Variants in NRG3 observed in about 807,000 individuals in gnomAD.
NRG3 encodes neuregulin 3, also known as pro-neuregulin-3, membrane-bound isoform.
In NRG3, 31 loss-of-function variants were observed where a neutral mutation model predicts 66.9. The ratio of observed to expected loss-of-function variants is 0.46; its 90% CI spans 0.35 to 0.63. The LOEUF is 0.63. Ranked by LOEUF, NRG3 falls within the 20% of genes least tolerant of loss-of-function variation. NRG3 has a pLI of 0.00. For missense variants in NRG3, 910 were observed against 878.9 expected, an observed-to-expected ratio of 1.04 and a Z score of -0.45; for synonymous variants, 393 against 359.4, an observed-to-expected ratio of 1.09 and a Z score of -1.06.
At chr10:82,879,572 A>G (rs1291249879) in intron 4 of NRG3, among the ~76,000 whole-genome samples, 2 of 146,964 alleles carry the variant, frequency 1.4e-5, no homozygotes, top group South Asian at 2.1e-4. Context: ...TCCCGGCTTC[A>G]CGCCATTCTC....
In NRG3 at chr10:82,829,209, A is replaced by T. The variant is rs146859602; in HGVS notation, c.1028-36202A>T. 2.8e-3 allele frequency among the ~76,000 whole-genome samples: 419 copies of T among 152,302 alleles called. 4 individuals are homozygous for T. Among genetic ancestry groups the T allele is most frequent in the Middle Eastern group, 0.01 (3 of 294 alleles). ...TCACCCAACTCTAGTGATTAAAAAA[A>T]AGAAAGATCTGATTGGAGCACAGTG... On this transcript the variant is annotated intron_variant, in intron 3 of 8. Transcript: ENST00000372141.
At chr10:82,419,341 G>T (rs151168752) in intron 2 of NRG3, among the ~76,000 whole-genome samples, 1 of 152,038 alleles carries the variant, frequency 6.6e-6, no homozygotes. Flanking sequence ...ATAACTATCT[G>T]CACTTTCAAA....
chr10:82,688,833 CA>C (rs944252972), intron 2 of NRG3, among the ~76,000 whole-genome samples: 3 of 151,216 alleles, frequency 2.0e-5, no homozygotes, highest in African/African-American at 7.3e-5. Context: ...TTTCCATACA[CA>C]TTTTATTGTT....
intron 5 of NRG3, 41 bp from the exon 6 acceptor site, chr10:82,958,908 A>C: frequency 6.7e-7 from 1 of 1,502,226 alleles, no homozygotes; most frequent in Non-Finnish European, 8.9e-7. Context: ...GAGTTGAATA[A>C]AGTCATGCAA....
chr10:82,209,670 C>T (rs1412073021), intron 1 of NRG3, among the ~76,000 whole-genome samples: 1 of 152,128 alleles, frequency 6.6e-6, no homozygotes, highest in Non-Finnish European at 1.5e-5. Context: ...TAAATATTAT[C>T]TCAGAAGTGG....
intron 2 of NRG3, among the ~76,000 whole-genome samples, chr10:82,548,523 TCACACACACACACACACA>T (rs59459683): frequency 7.2e-6 from 1 of 139,460 alleles, no homozygotes; most frequent in Non-Finnish European, 1.6e-5. Flanking sequence ...ATTCTGTCTC[TCACACACACACACACACA>T]CACACACACA....
chr10:82,492,021 C>T (rs1293630133), intron 2 of NRG3, among the ~76,000 whole-genome samples: 1 of 152,206 alleles, frequency 6.6e-6, no homozygotes, highest in Admixed American at 6.5e-5. Flanking sequence ...TCTAGCCTCT[C>T]TAGAATTCCT....
At chr10:81,920,964 T>C (rs1846197223) in intron 1 of NRG3, among the ~76,000 whole-genome samples, 1 of 152,186 alleles carries the variant, frequency 6.6e-6, no homozygotes, top group South Asian at 2.1e-4. Flanking sequence ...TGTTTACTTA[T>C]ATTCATAATA....
At chr10:81,881,116 C>T (rs1223929624) in intron 1 of NRG3, among the ~76,000 whole-genome samples, 2 of 151,890 alleles carry the variant, frequency 1.3e-5, no homozygotes, top group Admixed American at 1.3e-4. Context: ...GTACTCCCAC[C>T]TGCCAGTATT....
Position 82,942,223 on chromosome 10 carries a change from A to C in NRG3, c.1055-9246A>C, listed in dbSNP as rs1381413563. 3.3e-5 allele frequency among the ~76,000 whole-genome samples: 5 copies of C among 152,216 alleles called. No homozygotes were observed. In the East Asian group the frequency reaches 9.6e-4, roughly 29 times the overall value. On this transcript the variant is annotated intron_variant, in intron 4 of 8. Coordinates refer to ENST00000372141, the MANE Select transcript of NRG3 (RefSeq NM_001010848.4). ...TGTTCCCTCACACATGTAGGAGATC[A>C]TGCTGTATCATGGTCTCCCACACCT...
intron 1 of NRG3, among the ~76,000 whole-genome samples, chr10:82,045,668 C>T (rs1361820698): frequency 1.3e-5 from 1 of 75,710 alleles, no homozygotes; most frequent in Non-Finnish European, 3.0e-5. Context: ...ATGGTAATGC[C>T]TAGGTTTTCT....
chr10:82,704,249 A>G (rs1386764219), intron 2 of NRG3, among the ~76,000 whole-genome samples: 3 of 152,112 alleles, frequency 2.0e-5, no homozygotes, highest in Non-Finnish European at 4.4e-5. Context: ...ACACACACTC[A>G]CACACAAACA....
At chr10:82,975,449 C>T (rs1257157857) in intron 7 of NRG3, among the ~76,000 whole-genome samples, 1 of 152,146 alleles carries the variant, frequency 6.6e-6, no homozygotes, top group Non-Finnish European at 1.5e-5. Flanking sequence ...ATGCTCCCTC[C>T]TAAACTTGGC....
At chr10:81,910,956 C>T (rs375249287) in intron 1 of NRG3, among the ~76,000 whole-genome samples, 5 of 152,310 alleles carry the variant, frequency 3.3e-5, no homozygotes, top group African/African-American at 1.2e-4. Context: ...TGTGCCAGGC[C>T]TCTTTCTTAC....
intron 4 of NRG3, among the ~76,000 whole-genome samples, chr10:82,875,783 C>G (rs1472821352): frequency 1.3e-5 from 2 of 152,194 alleles, no homozygotes; most frequent in Non-Finnish European, 2.9e-5. Context: ...TTGACATGGA[C>G]ATTCCAAAGA....
At chr10:82,304,996 T>C (rs1413728082) in intron 1 of NRG3, among the ~76,000 whole-genome samples, 2 of 129,506 alleles carry the variant, frequency 1.5e-5, no homozygotes, top group East Asian at 4.4e-4. Context: ...TTTTTTTTTT[T>C]TTTTTTTTTT....
Position 81,875,379 on chromosome 10 carries a change from C to G in NRG3, c.39C>G (p.Ala13=), listed in dbSNP as rs1477889155. 3.0e-6 allele frequency: 3 copies of G among 994,152 alleles called. No individual in the cohort carries two copies. The African/African-American group carries it at 5.3e-5, about 18-fold the overall frequency. The allele number at this position is 994,152 out of a possible 1,614,324, so 61.6% of individuals were successfully genotyped here. The change falls in exon 1 of 9, where the codon GCC becomes GCG. Residue 13 remains alanine, a synonymous_variant. Transcript: ENST00000372141. This position sits in a 1 kb window ranked among gnomAD's most constrained non-coding sequence, Gnocchi z 5.3. The stretch of plus-strand genomic sequence containing the variant: ...CGGCCGCTGCCTCGCCACCTGGTGC[C>G]GCTTCGGCAGCCGCCGCCTCGGCCG... ...EGAAAASPPG[A]ASAAAASAEE... is the part of the protein sequence containing the mutation.
At chr10:82,963,530 A>T (rs1418420704) in intron 6 of NRG3, among the ~76,000 whole-genome samples, 2 of 151,316 alleles carry the variant, frequency 1.3e-5, no homozygotes, top group Non-Finnish European at 2.9e-5. Context: ...AGTTCAAAAT[A>T]TTAGCCTGGC....
chr10:82,769,368 G>C (rs920608793), intron 3 of NRG3, among the ~76,000 whole-genome samples: 14 of 151,974 alleles, frequency 9.2e-5, no homozygotes, highest in Non-Finnish European at 2.9e-5. Flanking sequence ...ATACCTTCAA[G>C]AGTTTAATCA....
Sources: allele counts gnomAD v4.1 joint callset (sites outside exome capture counted in the v4.1 genomes callset), GRCh38; gene constraint gnomAD v4.1.1; non-coding constraint Gnocchi (gnomAD v3.1); transcripts MANE v1.5; gene names NCBI Gene and HGNC (gene_info 2026-07-23, HGNC 2026-07-21).